Variants in SLC4A4 observed in about 807,000 individuals in gnomAD.
The protein encoded by SLC4A4 is solute carrier family 4 member 4, also known as electrogenic sodium bicarbonate cotransporter 1.
SLC4A4 carries 27 observed loss-of-function variants against 111.5 expected under a neutral mutation model. The observed-to-expected ratio is 0.24, with a 90% CI of 0.18 to 0.33. The LOEUF (loss-of-function observed/expected upper bound fraction) is 0.33, where lower values mean the gene tolerates loss of function less well. Among genes scored for constraint, SLC4A4 ranks in the 10% least tolerant of loss-of-function variants. SLC4A4 has a pLI of 1.00. For missense variants in SLC4A4, 909 were observed against 1,315.5 expected, an observed-to-expected ratio of 0.69 and a Z score of 4.78; for synonymous variants, 443 against 463.4, an observed-to-expected ratio of 0.96 and a Z score of 0.57.
At chr4:71,306,391 G>A (rs994201062) in intron 3 of SLC4A4, among the ~76,000 whole-genome samples, 1 of 152,102 alleles carries the variant, frequency 6.6e-6, no homozygotes, top group South Asian at 2.1e-4. Flanking sequence ...GACCATCCTG[G>A]CCAACATGGT....
chr4:71,279,210 C>G lies in SLC4A4; in HGVS notation c.253+23811C>G, dbSNP rs533436835. 2.4e-4 allele frequency among the ~76,000 whole-genome samples: 37 copies of G among 152,142 alleles called. No homozygotes were observed. The South Asian group carries it at 7.5e-3, about 31-fold the overall frequency. ...ATCCTGTCTAATTGAAATTTTGTAC[C>G]CTTTGAGCAACACCTCCCATTCTTC... On this transcript the variant is annotated intron_variant, in intron 3 of 25. Transcript: ENST00000264485.
intron 2 of SLC4A4, among the ~76,000 whole-genome samples, chr4:71,105,604 C>T (rs1474259948): frequency 1.4e-5 from 2 of 143,956 alleles, no homozygotes; most frequent in Non-Finnish European, 3.0e-5. Context: ...ACAGAGCCCT[C>T]AGAAATAACG....
rs984118995 is a variant in SLC4A4, at chr4:71,565,280, G to A, written c.3196+1391G>A. The stretch of plus-strand genomic sequence containing the variant: ...CTTATGTTCCCTGCCTCCAGACACT[G>A]TTTTCCTGCCACATCTCCTCACTGA... On this transcript the variant is annotated intron_variant, in intron 24 of 25. Transcript: ENST00000264485. Among the ~76,000 whole-genome samples, 12 of 151,896 alleles carry A rather than the reference G, an allele frequency of 7.9e-5. No homozygotes were observed. In the East Asian group the frequency reaches 1.4e-3, roughly 17 times the overall value.
chr4:71,389,446 A>G (rs1312469569), intron 6 of SLC4A4, among the ~76,000 whole-genome samples: 1 of 152,088 alleles, frequency 6.6e-6, no homozygotes, highest in African/African-American at 2.4e-5. Flanking sequence ...TTTAGCTGAG[A>G]TCCTTACACT....
intron 2 of SLC4A4, among the ~76,000 whole-genome samples, chr4:71,103,722 A>G (rs1281857463): frequency 6.6e-6 from 1 of 152,134 alleles, no homozygotes; most frequent in Non-Finnish European, 1.5e-5. Flanking sequence ...TTTGAAACCA[A>G]CGAGAACAAA....
chr4:71,412,906 A>T (rs1721488416), intron 7 of SLC4A4, among the ~76,000 whole-genome samples: 1 of 152,224 alleles, frequency 6.6e-6, no homozygotes, highest in African/African-American at 2.4e-5. Context: ...ATTTATAGGA[A>T]TTCAAAAATA....
At chr4:71,383,392 A>G (rs1245359851) in intron 6 of SLC4A4, among the ~76,000 whole-genome samples, 1 of 152,204 alleles carries the variant, frequency 6.6e-6, no homozygotes, top group Non-Finnish European at 1.5e-5. Context: ...GCCTAAAGTC[A>G]TCACATACCC....
At chr4:71,312,836 G>A (rs1726317611) in intron 3 of SLC4A4, among the ~76,000 whole-genome samples, 1 of 152,134 alleles carries the variant, frequency 6.6e-6, no homozygotes, top group Admixed American at 6.5e-5. Context: ...GGCAAAAGCT[G>A]GAAGCATTCC....
chr4:71,548,537 C>T (rs565408289), intron 20 of SLC4A4, among the ~76,000 whole-genome samples: 40 of 151,752 alleles, frequency 2.6e-4, no homozygotes, highest in East Asian at 2.0e-3. Context: ...AACATGCTTG[C>T]GAATTATTGA....
At chr4:71,394,477 C>T (rs1719609726) in intron 6 of SLC4A4, among the ~76,000 whole-genome samples, 2 of 152,018 alleles carry the variant, frequency 1.3e-5, no homozygotes, top group African/African-American at 4.8e-5. Context: ...GCAAGAATGG[C>T]CATAATCAAA....
intron 21 of SLC4A4, among the ~76,000 whole-genome samples, chr4:71,557,342 A>G (rs1226900835): frequency 5.3e-5 from 8 of 152,084 alleles, no homozygotes; most frequent in East Asian, 1.9e-4. Context: ...AGTAAGATAC[A>G]TGAGCTAGAC....
At chr4:71,085,297 G>A (rs1742127304) in intron 1 of SLC4A4, among the ~76,000 whole-genome samples, 1 of 151,886 alleles carries the variant, frequency 6.6e-6, no homozygotes, top group African/African-American at 2.4e-5. Flanking sequence ...TGTAGATTCT[G>A]GATATTAGCC....
chr4:71,146,765 T>C (rs1744183154), intron 2 of SLC4A4, among the ~76,000 whole-genome samples: 1 of 152,150 alleles, frequency 6.6e-6, no homozygotes, highest in African/African-American at 2.4e-5. Context: ...GAACAACTGG[T>C]ACCAGCCACT....
rs138059694 is a variant in SLC4A4 at position 71,068,061 on chromosome 4, C to CTTTTTTTTTTTTTTTTTTT, written c.-65+5273_-65+5274insTTTTTTTTTTTTTTTTTTT. Among the ~76,000 whole-genome samples the CTTTTTTTTTTTTTTTTTTT allele has an allele frequency of 1.5e-5, 2 of 132,374 alleles. 1 individual carries two copies. 86.8% of individuals were successfully genotyped at this position (132,374 alleles called of 152,430 possible). On this transcript the variant is annotated intron_variant, in intron 1 of 26. Transcript: ENST00000649996. The stretch of plus-strand genomic sequence containing the variant: ...ACTGCATATGGCCTTTTTGAACAAA[C>CTTTTTTTTTTTTTTTTTTT]GTTTTTTTTTTTTTTTTTTTGAGAT...
chr4:71,374,379 T>C (rs1169964966), intron 6 of SLC4A4, among the ~76,000 whole-genome samples: 2 of 152,192 alleles, frequency 1.3e-5, no homozygotes, highest in African/African-American at 4.8e-5. Context: ...ATAGTCACAA[T>C]TTTCAAAAGA....
chr4:71,163,694 G>A (rs1438630013), intron 2 of SLC4A4, among the ~76,000 whole-genome samples: 1 of 152,190 alleles, frequency 6.6e-6, no homozygotes, highest in African/African-American at 2.4e-5. Flanking sequence ...CCAGGGGTTG[G>A]CAAAGTGTGG....
Position 71,132,616 on chromosome 4 carries a change from C to G in SLC4A4, c.-2+39824C>G, listed in dbSNP as rs574742736. ...AGATCTTGTAGATTTCCTCCAAAGC[C>G]TTGCATATTATAATAAGATCTTGAT... On this transcript the variant is annotated intron_variant, in intron 2 of 26. Transcript: ENST00000649996. Among the ~76,000 whole-genome samples, 35 of 152,258 alleles carry G rather than the reference C, an allele frequency of 2.3e-4. No homozygotes were observed. In the East Asian group the frequency reaches 6.2e-3, roughly 27 times the overall value.
intron 6 of SLC4A4, among the ~76,000 whole-genome samples, chr4:71,374,243 A>G (rs1228152924): frequency 2.6e-5 from 4 of 152,116 alleles, no homozygotes; most frequent in Non-Finnish European, 5.9e-5. Context: ...TTTCAGATGC[A>G]GACTTGTTTT....
At position 71,571,266 on chromosome 4, in the gene SLC4A4, C is replaced by A. The variant is rs1737919798; in HGVS notation, c.*3515C>A. ...GGATGGGACAAAGCCTTCTTCAATC[C>A]TTTTCATACTACTTAATGATTTTGG... On this transcript the variant is annotated 3_prime_UTR_variant, in exon 26 of 26. Transcript: ENST00000264485. The A allele has an allele frequency of 6.6e-6, 1 of 152,240 alleles. No homozygotes were observed. The highest frequency in any genetic ancestry group is 6.6e-5 in the Admixed American group (1 of 15,192). The allele number at this position is 152,240 out of a possible 1,614,324, so 9.4% of individuals were successfully genotyped here.
Sources: allele counts gnomAD v4.1 joint callset (sites outside exome capture counted in the v4.1 genomes callset), GRCh38; gene constraint gnomAD v4.1.1; transcripts MANE v1.5; gene names NCBI Gene and HGNC (gene_info 2026-07-23, HGNC 2026-07-21).